FAM120B: variants seen among roughly 807,000 people sequenced by gnomAD.
FAM120B encodes family with sequence similarity 120 member B, also known as constitutive coactivator of peroxisome proliferator-activated receptor gamma.
A neutral mutation model predicts 96.3 loss-of-function variants in FAM120B; 83 were observed. That is an observed-to-expected ratio of 0.86 (90% confidence interval 0.72 to 1.03). FAM120B has a LOEUF of 1.03. FAM120B is among the 50% of genes least tolerant of loss of function. The pLI, the probability that FAM120B is intolerant of heterozygous loss-of-function variation, is 0.00. For missense variants in FAM120B, 1,027 were observed against 1,121.2 expected (o/e 0.92, Z 1.20); for synonymous variants, 407 against 402.7 (o/e 1.01, Z -0.13).
At position 170,328,427 on chromosome 6, in the gene FAM120B, G is replaced by T. The variant is rs76959402; in HGVS notation, c.1916-2022G>T. Among the ~76,000 whole-genome samples, 416 of 152,042 alleles carry T rather than the reference G, an allele frequency of 2.7e-3. 1 individual carries two copies. Among genetic ancestry groups the T allele is most frequent in the African/African-American group, 9.5e-3 (394 of 41,346 alleles). On this transcript the variant is annotated intron_variant, in intron 3 of 10. Transcript: ENST00000476287. ...CAGGACTGTATTTCATCTTTCTTTG[G>T]GGGGGTATAGTTTTGCTGCATATAG... is the stretch of plus-strand genomic sequence containing the variant.
chr6:170,398,875 C>A, intron 9 of FAM120B, among the ~76,000 whole-genome samples: 1 of 150,712 alleles, frequency 6.6e-6, no homozygotes, highest in East Asian at 2.0e-4. Context: ...AAAGGTAGAA[C>A]TATGTCATAA....
At chr6:170,294,191 G>A (rs558703828), upstream of FAM120B, among the ~76,000 whole-genome samples, 159 of 152,248 alleles carry the variant, frequency 1.0e-3, no homozygotes, top group Non-Finnish European at 2.0e-3. The surrounding 1 kb of genome is among the most constrained non-coding windows in gnomAD (Gnocchi z 7.9). Context: ...CCCGGCTGCC[G>A]GAGTCCCTCC....
intron 6 of FAM120B, among the ~76,000 whole-genome samples, chr6:170,376,742 G>C (rs1789545475): frequency 6.6e-6 from 1 of 152,362 alleles, no homozygotes; most frequent in Non-Finnish European, 1.5e-5. Context: ...GTTCGAATGT[G>C]AACCGAAAAT....
upstream of FAM120B, among the ~76,000 whole-genome samples, chr6:170,306,135 T>C (rs938129293): frequency 6.6e-6 from 1 of 152,162 alleles, no homozygotes; most frequent in Non-Finnish European, 1.5e-5. Context: ...TGAAGAGTAG[T>C]CCAGAGCAAC....
At chr6:170,356,995 G>T (rs892837786) in intron 5 of FAM120B, among the ~76,000 whole-genome samples, 3 of 152,122 alleles carry the variant, frequency 2.0e-5, no homozygotes, top group Non-Finnish European at 4.4e-5. Flanking sequence ...CCCCCACCCT[G>T]GTGGAAGCAA....
chr6:170,306,730 C>G (rs538725882), upstream of FAM120B: 1 of 152,660 alleles, frequency 6.6e-6, no homozygotes, highest in East Asian at 1.9e-4. Context: ...AAGTCCCGAG[C>G]GGAAGCGCCT....
intron 6 of FAM120B, among the ~76,000 whole-genome samples, chr6:170,374,780 T>A (rs991614658): frequency 1.8e-4 from 27 of 152,226 alleles, no homozygotes; most frequent in African/African-American, 6.5e-4. Flanking sequence ...GAACGGGTGA[T>A]GTCACTTTAC....
At chr6:170,373,982 T>G (rs1789359849) in intron 6 of FAM120B, among the ~76,000 whole-genome samples, 1 of 152,122 alleles carries the variant, frequency 6.6e-6, no homozygotes, top group African/African-American at 2.4e-5. Flanking sequence ...CAGTTCTACC[T>G]GGATTGTTTA....
At chr6:170,302,456 C>T (rs1314241451), upstream of FAM120B, among the ~76,000 whole-genome samples, 1 of 152,194 alleles carries the variant, frequency 6.6e-6, no homozygotes, top group Non-Finnish European at 1.5e-5. Flanking sequence ...CAAATAAAAT[C>T]TTGAGCTCAT....
At chr6:170,399,673 G>T (rs1778434792) in intron 9 of FAM120B, among the ~76,000 whole-genome samples, 2 of 143,300 alleles carry the variant, frequency 1.4e-5, no homozygotes, top group Admixed American at 6.8e-5. Context: ...TTAGGAGTGA[G>T]TGGGGAAGGT....
At chr6:170,330,596 A>G (rs759668409) in intron 4 of FAM120B, 46 bp downstream of exon 4, 10 of 1,405,080 alleles carry the variant, frequency 7.1e-6, no homozygotes, top group Admixed American at 3.5e-5. Context: ...TTTCCATTCT[A>G]TGATAAAAGT....
chr6:170,383,271 G>A (rs1010541820), intron 6 of FAM120B, among the ~76,000 whole-genome samples: 2 of 152,072 alleles, frequency 1.3e-5, no homozygotes, highest in Non-Finnish European at 2.9e-5. Context: ...CATACCAAAA[G>A]CATAATCTAT....
At chr6:170,334,908 G>A (rs1786308811) in intron 4 of FAM120B, among the ~76,000 whole-genome samples, 1 of 152,056 alleles carries the variant, frequency 6.6e-6, no homozygotes, top group South Asian at 2.1e-4. Flanking sequence ...AGAGTTTGAT[G>A]TATTGAGATG....
chr6:170,399,148 A>G (rs1156416722), intron 9 of FAM120B, among the ~76,000 whole-genome samples: 2 of 146,448 alleles, frequency 1.4e-5, no homozygotes, highest in Admixed American at 6.8e-5. Flanking sequence ...AGGTAGAACT[A>G]TGTCATAACT....
At chr6:170,383,417 A>G (rs1258490844) in intron 6 of FAM120B, among the ~76,000 whole-genome samples, 3 of 152,262 alleles carry the variant, frequency 2.0e-5, no homozygotes, top group Non-Finnish European at 2.9e-5. Flanking sequence ...CCTGTCTGAC[A>G]GAGATCTTAT....
At chr6:170,292,580 C>T (rs1184390384), upstream of FAM120B, among the ~76,000 whole-genome samples, 5 of 152,156 alleles carry the variant, frequency 3.3e-5, no homozygotes, top group Non-Finnish European at 7.3e-5. This position sits in a 1 kb window ranked among gnomAD's most constrained non-coding sequence, Gnocchi z 6.6. Flanking sequence ...CAAGGTAGAA[C>T]GAGACTTTCA....
chr6:170,318,984 T>C lies in FAM120B; in HGVS notation c.1594T>C (p.Leu532=). 6.2e-7 allele frequency: 1 copy of C among 1,614,120 alleles called. No homozygotes were observed. Among genetic ancestry groups the C allele is most frequent in the Non-Finnish European group, 8.5e-7 (1 of 1,180,006 alleles). The stretch of plus-strand genomic sequence containing the variant: ...TACACACGCTGAAATCAATCAAAAA[T>C]TACCTGTAGCAACAGATTTTGAATT... ...MCTHAEINQK[L]PVATDFEFKL... is the part of the protein sequence containing the mutation. Residue 532 remains leucine (L), a synonymous_variant, in exon 2 of 11, where the codon TTA becomes CTA. Transcript: ENST00000476287.
intron 6 of FAM120B, 54 bp downstream of exon 6, chr6:170,358,372 G>A: frequency 8.1e-7 from 1 of 1,240,724 alleles, no homozygotes; most frequent in Non-Finnish European, 1.2e-6. Flanking sequence ...GTGCAGTCCA[G>A]CCTTCTCTTT....
At chr6:170,347,429 G>A (rs1787263438) in intron 4 of FAM120B, among the ~76,000 whole-genome samples, 1 of 152,186 alleles carries the variant, frequency 6.6e-6, no homozygotes, top group African/African-American at 2.4e-5. Flanking sequence ...GTCATCATTT[G>A]TCGTGGTTTC....
Sources: gnomAD v4.1 joint callset for allele counts (sites outside exome capture counted in the v4.1 genomes callset) on GRCh38, gnomAD v4.1.1 for gene constraint, Gnocchi (gnomAD v3.1) non-coding constraint, MANE v1.5 for transcripts, NCBI Gene and HGNC (gene_info 2026-07-23, HGNC 2026-07-21) for gene names.